SLC7A11: variants seen among roughly 807,000 people sequenced by gnomAD.
The protein encoded by SLC7A11 is cystine/glutamate transporter.
SLC7A11 carries 35 observed loss-of-function variants against 54.5 expected under a neutral mutation model. The observed-to-expected ratio is 0.64, with a 90% confidence interval of 0.49 to 0.85. The LOEUF (loss-of-function observed/expected upper bound fraction) is 0.85. Ranked by LOEUF, SLC7A11 falls within the 40% of genes least tolerant of loss-of-function variation. SLC7A11 has a pLI of 0.00. For missense variants in SLC7A11, 583 were observed against 618.1 expected, an observed-to-expected ratio of 0.94 and a Z score of 0.60; for synonymous variants, 230 against 225.2, an observed-to-expected ratio of 1.02 and a Z score of -0.19.
intron 4 of SLC7A11, among the ~76,000 whole-genome samples, chr4:138,221,769 T>C (rs1002383234): frequency 2.0e-5 from 3 of 152,194 alleles, no homozygotes; most frequent in Admixed American, 6.5e-5. Flanking sequence ...ATAAAGTCTA[T>C]AATGCTACCT....
intron 3 of SLC7A11, among the ~76,000 whole-genome samples, chr4:138,229,936 T>C (rs1262703455): frequency 6.6e-6 from 1 of 152,164 alleles, no homozygotes; most frequent in Non-Finnish European, 1.5e-5. Flanking sequence ...CTTTTTTAAA[T>C]ATAATAATTG....
chr4:138,220,086 C>T (rs558514387), intron 4 of SLC7A11, among the ~76,000 whole-genome samples: 6 of 152,026 alleles, frequency 3.9e-5, no homozygotes, highest in South Asian at 2.1e-4. Flanking sequence ...ATTACAGGAG[C>T]GCGCCATCAT....
chr4:138,183,412 C>T, intron 7 of SLC7A11, 107 bp from the exon 8 acceptor site: 1 of 704,158 alleles, frequency 1.4e-6, no homozygotes, highest in Admixed American at 2.3e-5. Context: ...CCTGGTGATA[C>T]TTGTATGTTT....
chr4:138,239,582 G>T (rs1051687070), intron 1 of SLC7A11, among the ~76,000 whole-genome samples: 6 of 152,112 alleles, frequency 3.9e-5, no homozygotes, highest in Admixed American at 2.6e-4. Flanking sequence ...AAGATAAGTA[G>T]ATTAATACAA....
intron 6 of SLC7A11, among the ~76,000 whole-genome samples, chr4:138,202,576 T>C (rs1457544590): frequency 6.6e-6 from 1 of 152,076 alleles, no homozygotes; most frequent in Non-Finnish European, 1.5e-5. Flanking sequence ...AAGACAGATA[T>C]TCTGTTTACA....
chr4:138,190,951 C>T (rs1027994205), intron 6 of SLC7A11, among the ~76,000 whole-genome samples: 26 of 152,106 alleles, frequency 1.7e-4, no homozygotes, highest in African/African-American at 6.0e-4. Flanking sequence ...TTTTGCCTCA[C>T]TGTCATTTAG....
At chr4:138,175,583 A>G (rs1221573651) in intron 11 of SLC7A11, 1 of 152,010 alleles carries the variant, frequency 6.6e-6, no homozygotes, top group Non-Finnish European at 1.5e-5. Context: ...AGAATAAACC[A>G]CTCTGTCACA....
intron 6 of SLC7A11, among the ~76,000 whole-genome samples, chr4:138,186,922 A>G (rs1390834100): frequency 1.3e-5 from 2 of 152,116 alleles, no homozygotes; most frequent in Non-Finnish European, 2.9e-5. Flanking sequence ...AGGAGAGAGG[A>G]AGAGAGGAAA....
At chr4:138,181,132 A>G (rs1736731085) in intron 9 of SLC7A11, among the ~76,000 whole-genome samples, 2 of 152,124 alleles carry the variant, frequency 1.3e-5, no homozygotes. Context: ...CAAAATTGAA[A>G]GACTCAAAGA....
intron 6 of SLC7A11, among the ~76,000 whole-genome samples, chr4:138,207,466 A>G (rs1175541662): frequency 6.6e-6 from 1 of 152,076 alleles, no homozygotes; most frequent in African/African-American, 2.4e-5. Context: ...GCACTTTGGG[A>G]GGCTGAGGCA....
rs114933529 is a variant in SLC7A11, at chr4:138,215,954, T to G, written c.747-1325A>C. ...AAAATAGAACACAATTTCAAATATT[T>G]GCCACAGCTCCAGGGAGTAGAGAAA... On this transcript the variant is annotated intron_variant, in intron 5 of 11. Coordinates refer to ENST00000280612, the MANE Select transcript of SLC7A11 (RefSeq NM_014331.4). 2.9e-3 allele frequency among the ~76,000 whole-genome samples: 437 copies of G among 152,308 alleles called. 3 individuals carry two copies. Among genetic ancestry groups the G allele is most frequent in the Non-Finnish European group, 5.2e-3 (351 of 68,020 alleles).
At chr4:138,228,294 A>G (rs1737990970) in intron 3 of SLC7A11, among the ~76,000 whole-genome samples, 2 of 152,136 alleles carry the variant, frequency 1.3e-5, no homozygotes, top group Admixed American at 1.3e-4. Flanking sequence ...TAGATCTCGT[A>G]TCTTAAGGAG....
intron 2 of SLC7A11, among the ~76,000 whole-genome samples, chr4:138,235,298 GA>G (rs1287595343): frequency 2.6e-5 from 4 of 151,458 alleles, no homozygotes; most frequent in Non-Finnish European, 4.4e-5. Flanking sequence ...TTCAGGAAAG[GA>G]AAAAAATACT....
rs540256345 is a variant in SLC7A11 at position 138,226,561 on chromosome 4, G to A, written c.521-3237C>T. 1.2e-3 allele frequency among the ~76,000 whole-genome samples: 154 copies of A among 131,386 alleles called. 7 individuals are homozygous for A. The South Asian group carries it at 0.041, about 35-fold the overall frequency. 86.2% of individuals were successfully genotyped at this position (131,386 alleles called of 152,430 possible). On this transcript the variant is annotated intron_variant, in intron 3 of 11. Coordinates refer to ENST00000280612, the MANE Select transcript of SLC7A11 (RefSeq NM_014331.4). ...GAAGGCACAGTTTAACAAGTAACAA[G>A]GCAGCCAGCGAGAGGTACAGTGAAG...
At chr4:138,175,272 T>A (rs1319744514) in intron 11 of SLC7A11, among the ~76,000 whole-genome samples, 1 of 152,214 alleles carries the variant, frequency 6.6e-6, no homozygotes, top group African/African-American at 2.4e-5. Context: ...ACAGTCATTC[T>A]GCTGGTGTTT....
rs1472674110 is a variant in SLC7A11 at position 138,241,816 on chromosome 4, AC to A, written c.253del (p.Val85CysfsTer20). 6.8e-6 allele frequency: 11 copies of A among 1,613,896 alleles called. No individual in the cohort carries two copies. Among genetic ancestry groups the A allele is most frequent in the Non-Finnish European group, 9.3e-6 (11 of 1,179,944 alleles). Reference sequence around the variant, plus strand: ...ACCAAATAGTGACAGGACCCCACACACCGTCCAGATGGTCAGAGACATGCCC... The same window carrying A: ...ACCAAATAGTGACAGGACCCCACACACGTCCAGATGGTCAGAGACATGCCC... ...SVGMSLTIWT[V>X]CGVLSLFGAL... On this transcript the variant is annotated frameshift_variant, in exon 1 of 12. Transcript: ENST00000280612. LOFTEE classifies it high-confidence loss of function.
At chr4:138,234,598 C>T (rs1015095130) in intron 2 of SLC7A11, among the ~76,000 whole-genome samples, 2 of 151,936 alleles carry the variant, frequency 1.3e-5, no homozygotes, top group African/African-American at 4.8e-5. Flanking sequence ...ATTTGATTAT[C>T]CGCTACCTGG....
chr4:138,236,480 C>A, intron 1 of SLC7A11, 29 bp from the exon 2 acceptor site: 2 of 1,581,110 alleles, frequency 1.3e-6, no homozygotes, highest in South Asian at 1.2e-5. Context: ...AAAATGGTAC[C>A]AATTTAATAC....
At chr4:138,212,917 C>A (rs1363954580) in intron 6 of SLC7A11, among the ~76,000 whole-genome samples, 1 of 151,892 alleles carries the variant, frequency 6.6e-6, no homozygotes, top group African/African-American at 2.4e-5. Context: ...TAATTGATGT[C>A]TTTAAAATGT....
Sources: gnomAD v4.1 joint callset for allele counts (sites outside exome capture counted in the v4.1 genomes callset) on GRCh38, gnomAD v4.1.1 for gene constraint, MANE v1.5 for transcripts, NCBI Gene and HGNC (gene_info 2026-07-23, HGNC 2026-07-21) for gene names.